TBC1D5: variants seen among roughly 807,000 people sequenced by gnomAD.
The protein encoded by TBC1D5 is TBC1 domain family member 5.
A neutral mutation model predicts 100.3 loss-of-function variants in TBC1D5; 75 were observed. The observed-to-expected ratio is 0.75, with a 90% CI of 0.62 to 0.91. The LOEUF is 0.91. TBC1D5 is among the 40% of genes least tolerant of loss of function. The pLI is 0.00. For missense variants in TBC1D5, 910 were observed against 942.4 expected, an observed-to-expected ratio of 0.97 and a Z score of 0.45; for synonymous variants, 323 against 325.6, an observed-to-expected ratio of 0.99 and a Z score of 0.09.
At chr3:17,559,639 G>A (rs2096544732) in intron 2 of TBC1D5, among the ~76,000 whole-genome samples, 1 of 151,436 alleles carries the variant, frequency 6.6e-6, no homozygotes, top group Non-Finnish European at 1.5e-5. Flanking sequence ...GCCCTGGCTG[G>A]AGTGCAACGG....
intron 4 of TBC1D5, among the ~76,000 whole-genome samples, chr3:17,423,294 A>G (rs1381078876): frequency 6.6e-6 from 1 of 152,146 alleles, no homozygotes; most frequent in African/African-American, 2.4e-5. Flanking sequence ...AGAAAAAAAT[A>G]AGCCAAAAGT....
At chr3:17,640,279 T>C (rs2064369750) in intron 1 of TBC1D5, among the ~76,000 whole-genome samples, 1 of 152,084 alleles carries the variant, frequency 6.6e-6, no homozygotes, top group South Asian at 2.1e-4. Flanking sequence ...AAAAATCAAC[T>C]TAAGAGAAAA....
rs778416723 is a variant in TBC1D5 at position 17,160,996 on chromosome 3, A to G, written c.2355T>C (p.Ser785=). ...CCAGGGGACTCACAATGGTGAAGCC[A>G]GAGTCCTTGCTGCTGTCGTCATCAG... Residue 785 remains serine (S), a synonymous_variant, in exon 22 of 22, where the codon TCT becomes TCC. Transcript: ENST00000253692. 40 of 1,614,088 alleles carry G rather than the reference A, an allele frequency of 2.5e-5. No homozygotes were observed. In the South Asian group the frequency reaches 4.3e-4, roughly 17 times the overall value.
intron 3 of TBC1D5, among the ~76,000 whole-genome samples, chr3:17,461,593 C>T (rs2095211485): frequency 6.6e-6 from 1 of 152,084 alleles, no homozygotes; most frequent in Admixed American, 6.5e-5. Flanking sequence ...AGGCAGAGAT[C>T]AAGGGCTTGG....
At chr3:17,367,074 A>G (rs1033990694) in intron 13 of TBC1D5, among the ~76,000 whole-genome samples, 2 of 152,192 alleles carry the variant, frequency 1.3e-5, no homozygotes, top group African/African-American at 4.8e-5. Flanking sequence ...TTAATTGCAT[A>G]TCCCACAGAT....
intron 1 of TBC1D5, among the ~76,000 whole-genome samples, chr3:17,726,647 C>T (rs1237016099): frequency 6.6e-6 from 1 of 151,994 alleles, no homozygotes; most frequent in Non-Finnish European, 1.5e-5. Context: ...GAAATATTTC[C>T]CCCCATTCTG....
chr3:17,637,254 G>C, intron 1 of TBC1D5, among the ~76,000 whole-genome samples: 1 of 141,432 alleles, frequency 7.1e-6, no homozygotes, highest in East Asian at 2.1e-4. Context: ...CTGTTAGCCA[G>C]GATGGTCTCA....
chr3:17,549,158 G>A (rs372844438), intron 2 of TBC1D5, among the ~76,000 whole-genome samples: 5 of 152,070 alleles, frequency 3.3e-5, no homozygotes, highest in East Asian at 1.9e-4. Flanking sequence ...ATATATAGCC[G>A]AGTGTGGTGG....
intron 13 of TBC1D5, among the ~76,000 whole-genome samples, chr3:17,327,255 C>T (rs1224881657): frequency 6.6e-6 from 1 of 152,132 alleles, no homozygotes; most frequent in Non-Finnish European, 1.5e-5. Flanking sequence ...TGTTATTTAG[C>T]CTCTTAACTA....
intron 18 of TBC1D5, among the ~76,000 whole-genome samples, chr3:17,198,307 G>C (rs1051912452): frequency 1.3e-5 from 2 of 152,150 alleles, no homozygotes; most frequent in African/African-American, 4.8e-5. Context: ...CAGTGGCTGG[G>C]CCTGATGGAT....
At chr3:17,531,348 T>C (rs1417674574) in intron 2 of TBC1D5, among the ~76,000 whole-genome samples, 2 of 152,070 alleles carry the variant, frequency 1.3e-5, no homozygotes, top group Non-Finnish European at 2.9e-5. Flanking sequence ...TACAAACAAA[T>C]GGAAGAACAT....
intron 15 of TBC1D5, among the ~76,000 whole-genome samples, chr3:17,266,509 C>A (rs890132716): frequency 2.0e-5 from 3 of 152,112 alleles, no homozygotes; most frequent in Admixed American, 2.0e-4. Context: ...GCTGTACCTT[C>A]CTGATCTAAA....
chr3:17,541,832 A>T (rs1050216106), intron 2 of TBC1D5, among the ~76,000 whole-genome samples: 1 of 152,222 alleles, frequency 6.6e-6, no homozygotes, highest in Non-Finnish European at 1.5e-5. Context: ...TTTCACATAT[A>T]GTAGTCCTCT....
At chr3:17,575,865 C>T (rs973276976) in intron 2 of TBC1D5, among the ~76,000 whole-genome samples, 2 of 152,076 alleles carry the variant, frequency 1.3e-5, no homozygotes, top group African/African-American at 4.8e-5. Context: ...ATCAACATCA[C>T]TGGTACTTCA....
rs1252354117 is a variant in TBC1D5 at position 17,635,007 on chromosome 3, A to AC, written c.-100-11095_-100-11094insG. On this transcript the variant is annotated intron_variant, in intron 1 of 21. Transcript: ENST00000253692. ...TTTATATGTGGATATAGAAACAAAA[A>AC]AATTTACAAAAATAATGAGTTCAAT... 3.2e-4 allele frequency among the ~76,000 whole-genome samples: 49 copies of AC among 152,108 alleles called. No individual in the cohort carries two copies. In the East Asian group the frequency reaches 8.3e-3, roughly 26 times the overall value.
chr3:17,718,551 C>T (rs1489583490), intron 1 of TBC1D5, among the ~76,000 whole-genome samples: 6 of 152,084 alleles, frequency 3.9e-5, no homozygotes, highest in Non-Finnish European at 7.4e-5. Context: ...AAGCCGAGAT[C>T]GCGCCACTGC....
chr3:17,257,578 G>A (rs2077832500), intron 16 of TBC1D5, among the ~76,000 whole-genome samples: 1 of 152,088 alleles, frequency 6.6e-6, no homozygotes, highest in African/African-American at 2.4e-5. Flanking sequence ...TCAGAGATGG[G>A]GAGTTTTATA....
intron 18 of TBC1D5, among the ~76,000 whole-genome samples, chr3:17,208,780 T>A (rs1201840445): frequency 6.6e-6 from 1 of 152,224 alleles, no homozygotes; most frequent in Non-Finnish European, 1.5e-5. Flanking sequence ...GCCACCAAAA[T>A]ATGATAGAAT....
chr3:17,563,023 CT>C (rs1297223867), intron 2 of TBC1D5, among the ~76,000 whole-genome samples: 1 of 152,134 alleles, frequency 6.6e-6, no homozygotes, highest in African/African-American at 2.4e-5. Context: ...CGGATTAAAA[CT>C]AAGTCCTAAA....
Sources: allele counts gnomAD v4.1 joint callset (sites outside exome capture counted in the v4.1 genomes callset), GRCh38; gene constraint gnomAD v4.1.1; transcripts MANE v1.5; gene names NCBI Gene and HGNC (gene_info 2026-07-23, HGNC 2026-07-21).